TSPYL1: variants seen among roughly 807,000 people sequenced by gnomAD.
TSPYL1 encodes the protein TSPY like 1, also known as testis-specific Y-encoded-like protein 1.
Under a neutral mutation model 20.1 loss-of-function variants are expected in TSPYL1, and 16 were observed. The ratio of observed to expected loss-of-function variants is 0.80; its 90% confidence interval spans 0.54 to 1.21. The LOEUF is 1.21. Ranked by LOEUF, TSPYL1 falls within the 50% of genes most tolerant of loss-of-function variation. The pLI, the probability that TSPYL1 is intolerant of heterozygous loss-of-function variation, is 0.00. For missense variants in TSPYL1, 560 were observed against 569.3 expected (o/e 0.98, Z 0.17); for synonymous variants, 259 against 227.1 (o/e 1.14, Z -1.26).
chr6:116,279,449 C>T lies in TSPYL1; in HGVS notation c.382G>A (p.Gly128Arg). 1 of 1,613,430 alleles carries T rather than the reference C, an allele frequency of 6.2e-7. No homozygotes were observed. Among genetic ancestry groups the T allele is most frequent in the Non-Finnish European group, 8.5e-7 (1 of 1,180,040 alleles). ...CCACAGATTTCTAGGGCCTTCTCTC[C>T]ACCCTGAACGCCCTTTTTCAGGCTG... ...DRSLKKGVQG[G>R]EKALEICGAQ... is the part of the protein sequence containing the mutation. The change falls in exon 1 of 1, where the codon GGA (glycine) becomes AGA (arginine). Residue 128 changes from glycine to arginine, a missense_variant. Gly to Arg is a moderately radical substitution (Grantham distance 125, BLOSUM62 -2). Transcript: ENST00000368608.
Position 116,277,233 on chromosome 6 carries a change from GCTGT to G in TSPYL1, c.*1280_*1283del, listed in dbSNP as rs931116454. On this transcript the variant is annotated 3_prime_UTR_variant, in exon 1 of 1. Coordinates refer to ENST00000368608, the MANE Select transcript of TSPYL1 (RefSeq NM_003309.4). ...CAAGTAAGAAAGCATTCAAAGTTGC[GCTGT>G]CTTTCTTTAAAGAACCCTTGTCTAG... 21 of 152,714 alleles carry G rather than the reference GCTGT, an allele frequency of 1.4e-4. No individual in the cohort carries two copies. Among genetic ancestry groups the G allele is most frequent in the South Asian group, 4.1e-4 (2 of 4,830 alleles). The allele number at this position is 152,714 out of a possible 1,614,324, so 9.5% of individuals were successfully genotyped here. A position where few individuals can be genotyped will look rare whatever the true frequency, so the allele number is the denominator to read the frequency against.
Position 116,279,711 on chromosome 6 carries a change from G to C in TSPYL1, c.120C>G (p.Ser40Arg). 6.2e-7 allele frequency: 1 copy of C among 1,611,216 alleles called. No homozygotes were observed. The highest frequency in any genetic ancestry group is 8.5e-7 in the Non-Finnish European group (1 of 1,180,030). ...GCTCCGCCATCACCTGTGTCGCCTC[G>C]CTTTGGTCGCGGAGCCTCAGGTACT... ...AHQYLRLRDQSEATQVMAEPG... is the reference protein window; with the variant it reads ...AHQYLRLRDQREATQVMAEPG... Residue 40 changes from serine (S) to arginine (R), a missense_variant, in exon 1 of 1, where the codon AGC becomes AGG. Coordinates refer to ENST00000368608, the MANE Select transcript of TSPYL1 (RefSeq NM_003309.4).
At position 116,279,170 on chromosome 6, in the gene TSPYL1, A is replaced by G. The variant is rs774666972; in HGVS notation, c.661T>C (p.Trp221Arg). The stretch of plus-strand genomic sequence containing the variant: ...ATGCGGAGAGCCTCATGCAAAGGCC[A>G]GGGCCCTTCTTCCTCCCTCGCCTCC... ...EEEAREEEGP[W>R]PLHEALRMDP... is the part of the protein sequence containing the mutation. Residue 221 changes from tryptophan to arginine, a missense_variant, in exon 1 of 1, where the codon TGG (tryptophan) becomes CGG (arginine). Physicochemically the swap from Trp to Arg is moderately radical, Grantham distance 101. Transcript: ENST00000368608. 3 of 1,608,578 alleles carry G rather than the reference A, an allele frequency of 1.9e-6. No individual in the cohort carries two copies. The highest frequency in any genetic ancestry group is 2.5e-6 in the Non-Finnish European group (3 of 1,176,994).
Position 116,279,063 on chromosome 6 carries a change from C to G in TSPYL1, c.768G>C (p.Lys256Asn). 6.2e-7 allele frequency: 1 copy of G among 1,613,384 alleles called. No individual in the cohort carries two copies. The highest frequency in any genetic ancestry group is 1.1e-5 in the South Asian group (1 of 91,076). ...ADRAFQQLEH[K>N]FGRMRRHYLE... is the part of the protein sequence containing the mutation. ...GGTAGTGTCGACGCATCCGCCCAAA[C>G]TTGTGCTCCAGCTGTTGGAAGGCCC... Residue 256 changes from lysine to asparagine, a missense_variant, in exon 1 of 1, where the codon AAG (lysine) becomes AAC (asparagine). Physicochemically the swap from Lys to Asn is moderately conservative, Grantham distance 94. Transcript: ENST00000368608.
At position 116,279,450 on chromosome 6, in the gene TSPYL1, A is replaced by G. The variant is rs748951760; in HGVS notation, c.381T>C (p.Gly127=). Residue 127 remains glycine, a synonymous_variant, in exon 1 of 1, where the codon GGT becomes GGC. Coordinates refer to ENST00000368608, the MANE Select transcript of TSPYL1 (RefSeq NM_003309.4). ...CACAGATTTCTAGGGCCTTCTCTCC[A>G]CCCTGAACGCCCTTTTTCAGGCTGC... ...ADRSLKKGVQ[G]GEKALEICGA... 4.0e-5 allele frequency: 64 copies of G among 1,612,992 alleles called. No individual in the cohort carries two copies. The highest frequency in any genetic ancestry group is 5.1e-5 in the Non-Finnish European group (60 of 1,179,990).
In TSPYL1 at chr6:116,278,356, A is replaced by T; in HGVS notation, c.*161T>A. The T allele has an allele frequency of 1.2e-6, 1 of 852,844 alleles. No individual in the cohort carries two copies. The highest frequency in any genetic ancestry group is 1.9e-6 in the Non-Finnish European group (1 of 538,542). The allele number at this position is 852,844 out of a possible 1,614,324, so 52.8% of individuals were successfully genotyped here. A position where few individuals can be genotyped will look rare whatever the true frequency, so the allele number is the denominator to read the frequency against. Reference sequence around the variant, plus strand: ...GGAGAAGCATACCCACCACCGTCTCAATCTTGAGGTTGAGAGAACTGAATA... The same window carrying T: ...GGAGAAGCATACCCACCACCGTCTCTATCTTGAGGTTGAGAGAACTGAATA... On this transcript the variant is annotated 3_prime_UTR_variant, in exon 1 of 1. Transcript: ENST00000368608.
In TSPYL1 at chr6:116,279,411, G is replaced by A. The variant is rs377417680; in HGVS notation, c.420C>T (p.Ser140=). 28 of 1,613,158 alleles carry A rather than the reference G, an allele frequency of 1.7e-5. 1 individual carries two copies. Among genetic ancestry groups the A allele is most frequent in the Non-Finnish European group, 2.2e-5 (26 of 1,180,030 alleles). ...CCGCCCCCGCCGTCAGCTCAGACGC[G>A]GATCTCTGGGCGCCACAGATTTCTA... is the stretch of plus-strand genomic sequence containing the variant. ...KALEICGAQR[S]ASELTAGAEA... The change falls in exon 1 of 1, where the codon TCC becomes TCT. Residue 140 remains serine (S), a synonymous_variant. Transcript: ENST00000368608.
Position 116,279,302 on chromosome 6 carries a change from T to G in TSPYL1, c.529A>C (p.Lys177Gln). 6.2e-7 allele frequency: 1 copy of G among 1,609,292 alleles called. No individual in the cohort carries two copies. Among genetic ancestry groups the G allele is most frequent in the Non-Finnish European group, 8.5e-7 (1 of 1,179,814 alleles). ...ACCTCCTTCTCCGCCAGGCCTTCCT[T>G]CACCACCTCAGCGCTCTCCCTCTCA... is the stretch of plus-strand genomic sequence containing the variant. ...VAERESAEVV[K>Q]EGLAEKEVME... Residue 177 changes from lysine (K) to glutamine (Q), a missense_variant, in exon 1 of 1, where the codon AAG becomes CAG. By Grantham distance (53) the Lys-to-Gln change is moderately conservative. Coordinates refer to ENST00000368608, the MANE Select transcript of TSPYL1 (RefSeq NM_003309.4).
At position 116,279,375 on chromosome 6, in the gene TSPYL1, C is replaced by G; in HGVS notation, c.456G>C (p.Ala152=). The stretch of plus-strand genomic sequence containing the variant: ...CGCACTTTCCTGTCTTCACCTCCTC[C>G]GCCTCAGCCTCCGCCCCCGCCGTCA... The part of the protein sequence containing the change: ...SELTAGAEAE[A]EEVKTGKCAT... The change falls in exon 1 of 1, where the codon GCG becomes GCC. Residue 152 remains alanine (A), a synonymous_variant. Transcript: ENST00000368608. 12 of 1,612,566 alleles carry G rather than the reference C, an allele frequency of 7.4e-6. No individual in the cohort carries two copies. The highest frequency in any genetic ancestry group is 1.0e-5 in the Non-Finnish European group (12 of 1,180,028).
At position 116,279,272 on chromosome 6, in the gene TSPYL1, C is replaced by T; in HGVS notation, c.559G>A (p.Glu187Lys). The stretch of plus-strand genomic sequence containing the variant: ...TGCTCCTCTACCTCCATCTGCTCCT[C>T]CATTACCTCCTTCTCCGCCAGGCCT... Reference protein sequence around the residue: ...KEGLAEKEVMEEQMEVEEQPP... With the variant: ...KEGLAEKEVMKEQMEVEEQPP... The change falls in exon 1 of 1, where the codon GAG becomes AAG. Residue 187 changes from glutamate (E) to lysine (K), a missense_variant. Transcript: ENST00000368608. 6.2e-7 allele frequency: 1 copy of T among 1,600,260 alleles called. No homozygotes were observed. Among genetic ancestry groups the T allele is most frequent in the Middle Eastern group, 1.7e-4 (1 of 6,054 alleles).
chr6:116,278,547 G>A lies in TSPYL1; in HGVS notation c.1284C>T (p.Ile428=). 1 of 1,614,140 alleles carries A rather than the reference G, an allele frequency of 6.2e-7. No individual in the cohort carries two copies. Residue 428 remains isoleucine (I), a synonymous_variant, in exon 1 of 1, where the codon ATC becomes ATT. Transcript: ENST00000368608. ...CAGACTGGAACCCAAAGGGCCTGGG[G>A]ATCTCTACAGGCTCCCTTAGCGGGC... The part of the protein sequence containing the change: ...RRRPLREPVE[I]PRPFGFQSG
Position 116,279,788 on chromosome 6 carries a change from T to G in TSPYL1, c.43A>C (p.Thr15Pro). 3 of 1,612,798 alleles carry G rather than the reference T, an allele frequency of 1.9e-6. No individual in the cohort carries two copies. The highest frequency in any genetic ancestry group is 2.5e-6 in the Non-Finnish European group (3 of 1,180,012). ...DGVKRTTPLQ[T>P]HSIIISDQVP... ...TGGTCAGAAATAATGATGCTGTGGG[T>G]TTGGAGGGGAGTGGTCCTCTTGACC... Residue 15 changes from threonine to proline, a missense_variant, in exon 1 of 1, where the codon ACC becomes CCC. Thr to Pro is a conservative substitution (Grantham distance 38). Transcript: ENST00000368608.
chr6:116,278,727 G>C lies in TSPYL1; in HGVS notation c.1104C>G (p.Arg368=). ...AGCTGCAGATGAGGTCTTGGTTTCT[G>C]CGAATGAAGGACTGGGGTTCATGCC... The part of the protein sequence containing the change: ...RRGHEPQSFI[R]RNQDLICSFF... Residue 368 remains arginine (R), a synonymous_variant, in exon 1 of 1, where the codon CGC becomes CGG. Transcript: ENST00000368608. 6.2e-7 allele frequency: 1 copy of C among 1,614,150 alleles called. No homozygotes were observed. Among genetic ancestry groups the C allele is most frequent in the Non-Finnish European group, 8.5e-7 (1 of 1,180,004 alleles).
rs1773137426 is a variant in TSPYL1 at position 116,276,227 on chromosome 6, G to C, written c.*2290C>G. ...AGTGAGGAAGTTTAAAGAAAAAAAG[G>C]AAGTTTTTACAGATGAGAAAGTATG... On this transcript the variant is annotated 3_prime_UTR_variant, in exon 1 of 1. Coordinates refer to ENST00000368608, the MANE Select transcript of TSPYL1 (RefSeq NM_003309.4). Among the ~76,000 whole-genome samples the C allele has an allele frequency of 6.6e-6, 1 of 152,170 alleles. No homozygotes were observed. The highest frequency in any genetic ancestry group is 2.4e-5 in the African/African-American group (1 of 41,444).
rs1273126495 is a variant in TSPYL1, at chr6:116,276,102, TAA to T, written c.*2413_*2414del. On this transcript the variant is annotated 3_prime_UTR_variant, in exon 1 of 1. Transcript: ENST00000368608. ...GAACAGAGGTCCCTCCAAAGTACAC[TAA>T]GTGCATAAAGAAACATTTATCTCCT... Among the ~76,000 whole-genome samples the T allele has an allele frequency of 6.6e-6, 1 of 152,180 alleles. No homozygotes were observed. The highest frequency in any genetic ancestry group is 2.4e-5 in the African/African-American group (1 of 41,442).
Position 116,279,462 on chromosome 6 carries a change from C to T in TSPYL1, c.369G>A (p.Lys123=). 1 of 1,613,106 alleles carries T rather than the reference C, an allele frequency of 6.2e-7. No individual in the cohort carries two copies. The highest frequency in any genetic ancestry group is 1.7e-5 in the Admixed American group (1 of 60,038). Residue 123 remains lysine, a synonymous_variant, in exon 1 of 1, where the codon AAG becomes AAA. Transcript: ENST00000368608. Reference sequence around the variant, plus strand: ...GGGCCTTCTCTCCACCCTGAACGCCCTTTTTCAGGCTGCGGTCGGCTGCCA... The same window carrying T: ...GGGCCTTCTCTCCACCCTGAACGCCTTTTTTCAGGCTGCGGTCGGCTGCCA... ...VVMAADRSLK[K]GVQGGEKALE... is the part of the protein sequence containing the mutation.
In TSPYL1 at chr6:116,278,573, G is replaced by T; in HGVS notation, c.1258C>A (p.Arg420Ser). The T allele has an allele frequency of 6.2e-7, 1 of 1,614,194 alleles. No individual in the cohort carries two copies. Among genetic ancestry groups the T allele is most frequent in the Non-Finnish European group, 8.5e-7 (1 of 1,180,034 alleles). Reference protein sequence around the residue: ...LREGVRRARRRPLREPVEIPR... With the variant: ...LREGVRRARRSPLREPVEIPR... ...ATCTCTACAGGCTCCCTTAGCGGGCGACGTCGGGCTCTACGGACTCCTTCA... is the reference window on the plus strand; with the variant it reads ...ATCTCTACAGGCTCCCTTAGCGGGCTACGTCGGGCTCTACGGACTCCTTCA... Residue 420 changes from arginine to serine, a missense_variant, in exon 1 of 1, where the codon CGC becomes AGC. Coordinates refer to ENST00000368608, the MANE Select transcript of TSPYL1 (RefSeq NM_003309.4).
In TSPYL1 at chr6:116,279,165, A is replaced by C; in HGVS notation, c.666T>G (p.Pro222=). ...GGTCCATGCGGAGAGCCTCATGCAA[A>C]GGCCAGGGCCCTTCTTCCTCCCTCG... ...EEAREEEGPW[P]LHEALRMDPL... Residue 222 remains proline (P), a synonymous_variant, in exon 1 of 1, where the codon CCT becomes CCG. Coordinates refer to ENST00000368608, the MANE Select transcript of TSPYL1 (RefSeq NM_003309.4). The C allele has an allele frequency of 6.2e-7, 1 of 1,613,546 alleles. No individual in the cohort carries two copies. Among genetic ancestry groups the C allele is most frequent in the Non-Finnish European group, 8.5e-7 (1 of 1,179,930 alleles).
Position 116,279,018 on chromosome 6 carries a change from G to A in TSPYL1, c.813C>T (p.Ile271=). 6.2e-7 allele frequency: 1 copy of A among 1,613,974 alleles called. No homozygotes were observed. The highest frequency in any genetic ancestry group is 8.5e-7 in the Non-Finnish European group (1 of 1,179,884). ...TCCAGAAGCCCGGGATATTCTGAAT[G>A]ATGTAGTTCCTCCGCTCCAGGTAGT... ...RRHYLERRNY[I]IQNIPGFWMT... is the part of the protein sequence containing the mutation. Residue 271 remains isoleucine (I), a synonymous_variant, in exon 1 of 1, where the codon ATC becomes ATT. Coordinates refer to ENST00000368608, the MANE Select transcript of TSPYL1 (RefSeq NM_003309.4).
Sources: allele counts gnomAD v4.1 joint callset (sites outside exome capture counted in the v4.1 genomes callset), GRCh38; gene constraint gnomAD v4.1.1; transcripts MANE v1.5; gene names NCBI Gene and HGNC (gene_info 2026-07-23, HGNC 2026-07-21).